Variants in EFCAB11 observed in about 807,000 individuals in gnomAD.
EFCAB11 encodes EF-hand calcium binding domain 11.
A neutral mutation model predicts 23.0 loss-of-function variants in EFCAB11; 14 were observed. The ratio of observed to expected loss-of-function variants is 0.61; its 90% CI spans 0.40 to 0.95. The LOEUF is 0.95. EFCAB11 is among the 40% of genes least tolerant of loss of function. The pLI, the probability that EFCAB11 is intolerant of heterozygous loss-of-function variation, is 0.00. For missense variants in EFCAB11, 198 were observed against 195.8 expected (o/e 1.01, Z -0.07); for synonymous variants, 65 against 66.6 (o/e 0.98, Z 0.11).
At chr14:89,894,077 T>C (rs2140193148) in intron 5 of EFCAB11, among the ~76,000 whole-genome samples, 1 of 152,172 alleles carries the variant, frequency 6.6e-6, no homozygotes, top group Non-Finnish European at 1.5e-5. Context: ...CCTCCCGGGT[T>C]CACGCCATTC....
intron 5 of EFCAB11, chr14:89,923,160 T>G (rs535210912): frequency 1.8e-4 from 28 of 152,346 alleles, no homozygotes; most frequent in African/African-American, 6.5e-4. Flanking sequence ...TTTCTGAGTT[T>G]CAATTCCTCC....
chr14:89,907,274 T>C (rs1889526767), intron 5 of EFCAB11, among the ~76,000 whole-genome samples: 1 of 152,228 alleles, frequency 6.6e-6, no homozygotes, highest in Non-Finnish European at 1.5e-5. Context: ...AGCAGGTGGA[T>C]TCTGAGAAAT....
chr14:89,891,651 CAAGA>C (rs1207835089), intron 5 of EFCAB11, among the ~76,000 whole-genome samples: 2 of 152,038 alleles, frequency 1.3e-5, no homozygotes, highest in Non-Finnish European at 2.9e-5. Context: ...TGAAACAAAA[CAAGA>C]AAGGAAAATT....
intron 5 of EFCAB11, among the ~76,000 whole-genome samples, chr14:89,866,118 T>C (rs773819831): frequency 6.6e-6 from 1 of 152,166 alleles, no homozygotes; most frequent in Non-Finnish European, 1.5e-5. Context: ...CAATTTTGTC[T>C]GATCCTGCTT....
chr14:89,923,780 C>T (rs1890094737), intron 5 of EFCAB11: 1 of 985,226 alleles, frequency 1.0e-6, no homozygotes, highest in Non-Finnish European at 1.2e-6. Context: ...AAAATAATGA[C>T]TGGAAATTTT....
intron 5 of EFCAB11, among the ~76,000 whole-genome samples, chr14:89,872,543 T>C (rs1888312440): frequency 6.6e-6 from 1 of 152,178 alleles, no homozygotes; most frequent in East Asian, 1.9e-4. Flanking sequence ...ATGTAGATGA[T>C]ACTGGAGGTA....
At chr14:89,821,865 T>C (rs1740554824) in intron 5 of EFCAB11, among the ~76,000 whole-genome samples, 1 of 152,232 alleles carries the variant, frequency 6.6e-6, no homozygotes, top group Non-Finnish European at 1.5e-5. Context: ...TAGTCTCTGG[T>C]TTTAAAACAC....
chr14:89,844,930 C>A (rs6575089), intron 5 of EFCAB11, among the ~76,000 whole-genome samples: 98,982 of 150,962 alleles, frequency 0.66, 34,162 homozygotes, highest in Non-Finnish European at 0.79. Context: ...CTCTGTATCT[C>A]GCACTGTGGG....
chr14:89,802,171 C>T (rs1214364028), intron 5 of EFCAB11, among the ~76,000 whole-genome samples: 1 of 146,336 alleles, frequency 6.8e-6, no homozygotes, highest in Non-Finnish European at 1.5e-5. Flanking sequence ...CAAAGCCAGG[C>T]TTCAGACTAG....
At chr14:89,933,069 A>G (rs1416239878) in intron 3 of EFCAB11, among the ~76,000 whole-genome samples, 1 of 152,204 alleles carries the variant, frequency 6.6e-6, no homozygotes, top group Non-Finnish European at 1.5e-5. Context: ...AGATCGGGTC[A>G]GAGAAGTAGT....
intron 3 of EFCAB11, among the ~76,000 whole-genome samples, chr14:89,934,666 G>A (rs990024358): frequency 1.3e-5 from 2 of 152,092 alleles, no homozygotes; most frequent in Non-Finnish European, 2.9e-5. Context: ...CCATAGTTGT[G>A]GGGAATACAT....
chr14:89,799,112 T>C (rs1885681369), intron 5 of EFCAB11: 1 of 152,240 alleles, frequency 6.6e-6, no homozygotes, highest in East Asian at 1.9e-4. Context: ...ACTCCTAATT[T>C]TTCTTGCTGC....
In EFCAB11 at chr14:89,795,682, C is replaced by T. The variant is rs1443318324; in HGVS notation, c.*1561G>A. On this transcript the variant is annotated 3_prime_UTR_variant, in exon 6 of 6. Transcript: ENST00000316738. ...CTCTGTCTCAAAAAAAACCCGCAAA[C>T]GTTTATTTTTATTAAGGTTATCTGC... The T allele has an allele frequency of 6.6e-6, 1 of 151,926 alleles. No individual in the cohort carries two copies. Among genetic ancestry groups the T allele is most frequent in the Non-Finnish European group, 1.5e-5 (1 of 67,978 alleles). The allele number at this position is 151,926 out of a possible 1,614,324, so 9.4% of individuals were successfully genotyped here.
chr14:89,914,172 T>A (rs1889764802), intron 5 of EFCAB11, among the ~76,000 whole-genome samples: 1 of 152,200 alleles, frequency 6.6e-6, no homozygotes. Context: ...TATGAGTATC[T>A]CTTTTGTGAG....
intron 5 of EFCAB11, among the ~76,000 whole-genome samples, chr14:89,829,502 T>G (rs1375863105): frequency 1.3e-5 from 2 of 152,200 alleles, no homozygotes; most frequent in Non-Finnish European, 2.9e-5. Context: ...TCTTAAATGT[T>G]TCTGCAAAAT....
chr14:89,945,902 T>C (rs764896541), intron 3 of EFCAB11, among the ~76,000 whole-genome samples: 1 of 151,738 alleles, frequency 6.6e-6, no homozygotes, highest in Admixed American at 6.6e-5. Context: ...TGAATTTCCA[T>C]TATTAGGGGA....
intron 5 of EFCAB11, among the ~76,000 whole-genome samples, chr14:89,918,096 G>GTA (rs1555376272): frequency 6.6e-6 from 1 of 152,120 alleles, no homozygotes; most frequent in Non-Finnish European, 1.5e-5. Flanking sequence ...ATGGATATGA[G>GTA]TATATCTTCA....
intron 5 of EFCAB11, among the ~76,000 whole-genome samples, chr14:89,815,853 C>G (rs1886318688): frequency 6.6e-6 from 1 of 152,018 alleles, no homozygotes; most frequent in Non-Finnish European, 1.5e-5. Flanking sequence ...TGACTCATTT[C>G]TCGGGTTCAA....
At chr14:89,924,184 C>T (rs1022219130) in intron 5 of EFCAB11, 45 of 985,656 alleles carry the variant, frequency 4.6e-5, no homozygotes, top group Non-Finnish European at 5.3e-5. Context: ...CATTTTCACC[C>T]AATTTCTAAT....
Sources: allele counts gnomAD v4.1 joint callset (sites outside exome capture counted in the v4.1 genomes callset), GRCh38; gene constraint gnomAD v4.1.1; transcripts MANE v1.5; gene names NCBI Gene and HGNC (gene_info 2026-07-23, HGNC 2026-07-21).